Variants in SNRNP40 observed in about 807,000 individuals in gnomAD.
SNRNP40 encodes the protein U5 small nuclear ribonucleoprotein 40 kDa protein.
SNRNP40 carries 21 observed loss-of-function variants against 45.8 expected under a neutral mutation model. The observed-to-expected ratio is 0.46, with a 90% CI of 0.32 to 0.66. The LOEUF (loss-of-function observed/expected upper bound fraction) is 0.66. SNRNP40 is among the 30% of genes least tolerant of loss of function. SNRNP40 has a pLI of 0.03. For synonymous variants in SNRNP40, 142 were observed against 163.8 expected (o/e 0.87, Z 1.01); for missense variants, 344 against 439.1 (o/e 0.78, Z 1.94).
At chr1:31,282,048 G>A (rs1251494076) in intron 4 of SNRNP40, 2 of 152,236 alleles carry the variant, frequency 1.3e-5, no homozygotes, top group African/African-American at 4.8e-5. Context: ...GAGGAAAAAG[G>A]AAACAAAAAA....
intron 5 of SNRNP40, among the ~76,000 whole-genome samples, chr1:31,279,540 G>C (rs1050865960): frequency 1.3e-5 from 2 of 152,078 alleles, no homozygotes; most frequent in African/African-American, 4.8e-5. Context: ...CTGAGGTCAG[G>C]AGTTCGAGAC....
chr1:31,296,342 G>T (rs186565053), intron 1 of SNRNP40, among the ~76,000 whole-genome samples: 10 of 152,238 alleles, frequency 6.6e-5, no homozygotes, highest in Admixed American at 5.2e-4. Flanking sequence ...CTTAAACCCG[G>T]GTCAGGGTTT....
chr1:31,278,004 T>TAA lies in SNRNP40; in HGVS notation c.654+3369_654+3370insTT, dbSNP rs981850426. Among the ~76,000 whole-genome samples, 25 of 152,350 alleles carry TAA rather than the reference T, an allele frequency of 1.6e-4. 1 individual carries two copies. Among genetic ancestry groups the TAA allele is most frequent in the Admixed American group, 1.4e-3 (22 of 15,296 alleles). On this transcript the variant is annotated intron_variant, in intron 5 of 9. Transcript: ENST00000263694. ...GCCAACACGCCCAGCAAACACTTTT[T>TAA]AGTTTACTATCACCAACAGAGTACT...
At chr1:31,293,371 G>GT in intron 1 of SNRNP40, 23 bp from the exon 2 acceptor site, 1 of 1,593,150 alleles carries the variant, frequency 6.3e-7, no homozygotes, top group Non-Finnish European at 8.5e-7. Flanking sequence ...GAAGCACAAG[G>GT]TAACTACTGC....
chr1:31,266,409 T>A (rs1422414503), intron 8 of SNRNP40, among the ~76,000 whole-genome samples: 2 of 152,124 alleles, frequency 1.3e-5, no homozygotes, highest in African/African-American at 4.8e-5. Context: ...AACACAGGAT[T>A]TGCTGTCAGA....
At chr1:31,276,245 C>G (rs7528066) in intron 5 of SNRNP40, among the ~76,000 whole-genome samples, 83,252 of 152,002 alleles carry the variant, frequency 0.55, 23,762 homozygotes, top group Non-Finnish European at 0.63. Context: ...TTTAAGATCA[C>G]AAAGCTAGCA....
At chr1:31,277,459 TA>T (rs1645983706) in intron 5 of SNRNP40, among the ~76,000 whole-genome samples, 1 of 152,244 alleles carries the variant, frequency 6.6e-6, no homozygotes, top group African/African-American at 2.4e-5. Context: ...GTTGATTTGT[TA>T]AACATATATT....
rs74617629 is a variant in SNRNP40 at position 31,293,359 on chromosome 1, G to T, written c.142-11C>A. 1.4e-3 allele frequency: 2,229 copies of T among 1,600,992 alleles called. 26 individuals carry two copies. In the African/African-American group the frequency reaches 0.026, roughly 19 times the overall value. On this transcript the variant is annotated splice_polypyrimidine_tract_variant and intron_variant, in intron 1 of 9. Coordinates refer to ENST00000263694, the MANE Select transcript of SNRNP40 (RefSeq NM_004814.3). Reference sequence around the variant, plus strand: ...ACATCTTGGAGGTCCCTAAACAAAAGAGAAGCACAAGGTAACTACTGCATA... The same window carrying T: ...ACATCTTGGAGGTCCCTAAACAAAATAGAAGCACAAGGTAACTACTGCATA...
Position 31,271,372 on chromosome 1 carries a change from A to C in SNRNP40, c.775+7T>G. 2 of 1,599,930 alleles carry C rather than the reference A, an allele frequency of 1.3e-6. No homozygotes were observed. Among genetic ancestry groups the C allele is most frequent in the Non-Finnish European group, 1.7e-6 (2 of 1,176,336 alleles). ...GATCCTGGGAGAGATTTCCTTTCCA[A>C]AGTTACCTGTATTGTCCATTGCATT... On this transcript the variant is annotated splice_region_variant and intron_variant, in intron 6 of 9. Coordinates refer to ENST00000263694, the MANE Select transcript of SNRNP40 (RefSeq NM_004814.3).
At chr1:31,272,395 C>A in intron 5 of SNRNP40, among the ~76,000 whole-genome samples, 1 of 152,080 alleles carries the variant, frequency 6.6e-6, no homozygotes, top group East Asian at 1.9e-4. Flanking sequence ...AAACGTCAAG[C>A]AGGAAAAATA....
At chr1:31,288,794 A>T (rs1205583882) in intron 4 of SNRNP40, among the ~76,000 whole-genome samples, 3 of 151,932 alleles carry the variant, frequency 2.0e-5, no homozygotes, top group African/African-American at 7.3e-5. Context: ...GCTGGAGTGC[A>T]GTGGTGCAAT....
intron 4 of SNRNP40, 121 bp from the exon 5 acceptor site, chr1:31,281,617 T>C: frequency 1.3e-6 from 1 of 773,978 alleles, no homozygotes; most frequent in Admixed American, 3.2e-5. Context: ...TGGGATCCTA[T>C]ATCACTAACT....
intron 4 of SNRNP40, among the ~76,000 whole-genome samples, chr1:31,282,651 T>C (rs1357781389): frequency 2.0e-5 from 3 of 151,696 alleles, no homozygotes; most frequent in Non-Finnish European, 4.4e-5. Context: ...TATGTATCTA[T>C]GTGTCTATCT....
At chr1:31,281,295 A>G (rs1646014899) in intron 5 of SNRNP40, 79 bp downstream of exon 5, 49 of 1,271,098 alleles carry the variant, frequency 3.9e-5, no homozygotes, top group Non-Finnish European at 5.2e-5. Context: ...CAAAGCTACC[A>G]CAATCTCAGA....
At chr1:31,270,255 A>T (rs1386748855) in intron 6 of SNRNP40, among the ~76,000 whole-genome samples, 1 of 152,228 alleles carries the variant, frequency 6.6e-6, no homozygotes, top group African/African-American at 2.4e-5. Context: ...TAATTGTATT[A>T]TGCAGCCACA....
chr1:31,267,181 ATTCCATG>A (rs1202587176), intron 8 of SNRNP40, among the ~76,000 whole-genome samples: 4 of 152,166 alleles, frequency 2.6e-5, no homozygotes, highest in Non-Finnish European at 5.9e-5. Flanking sequence ...GAATATGAAA[ATTCCATG>A]TGCGCAGCAT....
intron 9 of SNRNP40, 62 bp downstream of exon 9, chr1:31,261,467 T>C (rs1645858603): frequency 1.8e-6 from 2 of 1,096,980 alleles, no homozygotes; most frequent in African/African-American, 1.5e-5. Context: ...TGACTCTCTA[T>C]TCCCAGGATC....
rs36074142 is a variant in SNRNP40 at position 31,288,667 on chromosome 1, C to CTTTCTTT, written c.531+586_531+587insAAAGAAA. Reference sequence around the variant, plus strand: ...ATATTGTCTATAATCTCAGAACAGCCTTTTTTTTTTTTTTGCTACCTCCCT... The same window carrying CTTTCTTT: ...ATATTGTCTATAATCTCAGAACAGCCTTTCTTTTTTTTTTTTTTTTTGCTACCTCCCT... On this transcript the variant is annotated intron_variant, in intron 4 of 9. Transcript: ENST00000263694. Among the ~76,000 whole-genome samples, 15 of 117,136 alleles carry CTTTCTTT rather than the reference C, an allele frequency of 1.3e-4. 1 individual carries two copies. Among genetic ancestry groups the CTTTCTTT allele is most frequent in the Admixed American group, 2.5e-4 (3 of 11,932 alleles). 76.8% of individuals were successfully genotyped at this position (117,136 alleles called of 152,430 possible).
intron 6 of SNRNP40, chr1:31,269,444 GC>G: frequency 1.6e-6 from 2 of 1,262,502 alleles, no homozygotes; most frequent in Non-Finnish European, 2.1e-6. Context: ...AATAACTGGG[GC>G]TAGCTGAGGG....
Sources: allele counts gnomAD v4.1 joint callset (sites outside exome capture counted in the v4.1 genomes callset), GRCh38; gene constraint gnomAD v4.1.1; transcripts MANE v1.5; gene names NCBI Gene and HGNC (gene_info 2026-07-23, HGNC 2026-07-21).